SCRN1: variants seen among roughly 807,000 people sequenced by gnomAD.
SCRN1 encodes secernin-1.
Under a neutral mutation model 43.3 loss-of-function variants are expected in SCRN1, and 19 were observed. The ratio of observed to expected loss-of-function variants is 0.44; its 90% CI spans 0.31 to 0.64. SCRN1 has a LOEUF of 0.64. Ranked by LOEUF, SCRN1 falls within the 30% of genes least tolerant of loss-of-function variation. The probability of loss-of-function intolerance (pLI) is 0.09; values close to 1 mark genes in which losing one functional copy is unlikely to be tolerated. For missense variants in SCRN1, 447 were observed against 524.1 expected (o/e 0.85, Z 1.44); for synonymous variants, 183 against 188.9 (o/e 0.97, Z 0.26).
chr7:29,935,317 C>T (rs1787288997), intron 6 of SCRN1, among the ~76,000 whole-genome samples: 2 of 152,182 alleles, frequency 1.3e-5, no homozygotes, highest in Admixed American at 1.3e-4. Flanking sequence ...CATCTAAGAA[C>T]CAGTCCCTAG....
intron 6 of SCRN1, among the ~76,000 whole-genome samples, chr7:29,928,873 T>C (rs982571207): frequency 4.6e-5 from 7 of 152,224 alleles, no homozygotes; most frequent in Non-Finnish European, 7.3e-5. Context: ...TTTAAACCAA[T>C]TTTTACTATA....
In SCRN1 at chr7:29,923,330, G is replaced by A. The variant is rs933625892; in HGVS notation, c.*627C>T. On this transcript the variant is annotated 3_prime_UTR_variant, in exon 8 of 8. Transcript: ENST00000242059. ...CACATAAGCACAGCGCATGGAAAAT[G>A]GGAAGACAGCTTCTTCAGGAGCCCA... The A allele has an allele frequency of 6.6e-6, 1 of 152,374 alleles. No homozygotes were observed. The highest frequency in any genetic ancestry group is 2.4e-5 in the African/African-American group (1 of 41,464). The allele number at this position is 152,374 out of a possible 1,614,324, so 9.4% of individuals were successfully genotyped here.
At chr7:29,966,469 AAGAT>A (rs932587066) in intron 2 of SCRN1, among the ~76,000 whole-genome samples, 3 of 152,218 alleles carry the variant, frequency 2.0e-5, no homozygotes, top group Admixed American at 2.0e-4. Flanking sequence ...TTGGGAAAAA[AAGAT>A]AGAAACGTTC....
Position 29,976,277 on chromosome 7 carries a change from G to A in SCRN1, c.-1-7209C>T, listed in dbSNP as rs144119999. 2.5e-3 allele frequency among the ~76,000 whole-genome samples: 383 copies of A among 152,248 alleles called. 1 individual carries two copies. The highest frequency in any genetic ancestry group is 8.8e-3 in the African/African-American group (366 of 41,548). Reference sequence around the variant, plus strand: ...GTACTTGAAATGTGGCTAGTTCAACGAAGGAACCAAATTTTTAATTAATTT... The same window carrying A: ...GTACTTGAAATGTGGCTAGTTCAACAAAGGAACCAAATTTTTAATTAATTT... On this transcript the variant is annotated intron_variant, in intron 1 of 7. Coordinates refer to ENST00000242059, the MANE Select transcript of SCRN1 (RefSeq NM_014766.5).
In SCRN1 at chr7:29,940,737, T is replaced by C. The variant is rs776209901; in HGVS notation, c.684A>G (p.Pro228=). The change falls in exon 5 of 8, where the codon CCA becomes CCG. Residue 228 remains proline, a synonymous_variant. Transcript: ENST00000242059. ...GEFNFSEVFS[P]VEDHLDCGAG... is the part of the protein sequence containing the mutation. ...CACCGCAGTCTAGATGATCCTCAACTGGAGAAAAGACTTCGGAAAAATTGA... is the reference window on the plus strand; with the variant it reads ...CACCGCAGTCTAGATGATCCTCAACCGGAGAAAAGACTTCGGAAAAATTGA... The C allele has an allele frequency of 1.3e-5, 21 of 1,607,806 alleles. No individual in the cohort carries two copies. The East Asian group carries it at 2.5e-4, about 19-fold the overall frequency.
intron 3 of SCRN1, among the ~76,000 whole-genome samples, chr7:29,945,412 C>T (rs1787704023): frequency 6.6e-6 from 1 of 152,196 alleles, no homozygotes; most frequent in African/African-American, 2.4e-5. Flanking sequence ...CCCGCATTTG[C>T]TTCTTCCTCA....
chr7:29,953,915 G>A lies in SCRN1; in HGVS notation c.341+1264C>T, dbSNP rs2128093631. Among the ~76,000 whole-genome samples the A allele has an allele frequency of 2.0e-5, 3 of 152,282 alleles. No homozygotes were observed. In the Middle Eastern group the frequency reaches 0.01, roughly 518 times the overall value. ...CTCATATTGAAAAAATGAGGAAACT[G>A]TGGCCCAGAGAGGTGATGTAACTTG... is the stretch of plus-strand genomic sequence containing the variant. On this transcript the variant is annotated intron_variant, in intron 3 of 7. Coordinates refer to ENST00000242059, the MANE Select transcript of SCRN1 (RefSeq NM_014766.5).
intron 5 of SCRN1, among the ~76,000 whole-genome samples, chr7:29,939,163 C>T (rs919135040): frequency 6.6e-6 from 1 of 152,002 alleles, no homozygotes; most frequent in Non-Finnish European, 1.5e-5. Context: ...AGTGCTATAG[C>T]AAAAGTCCTA....
intron 6 of SCRN1, among the ~76,000 whole-genome samples, chr7:29,928,115 T>C (rs1356618918): frequency 6.6e-6 from 1 of 152,070 alleles, no homozygotes; most frequent in Non-Finnish European, 1.5e-5. Flanking sequence ...TGAGCGAGAC[T>C]TTGTCTCAAA....
chr7:29,946,870 T>C (rs543731004), intron 3 of SCRN1, among the ~76,000 whole-genome samples: 86 of 152,296 alleles, frequency 5.6e-4, no homozygotes, highest in Middle Eastern at 6.8e-3. Context: ...AACTGAGAAA[T>C]GCAGATGAAT....
At position 29,965,053 on chromosome 7, in the gene SCRN1, G is replaced by A. The variant is rs111942226; in HGVS notation, c.159+3856C>T. Among the ~76,000 whole-genome samples the A allele has an allele frequency of 1.3e-3, 201 of 152,132 alleles. 1 individual carries two copies. The highest frequency in any genetic ancestry group is 4.6e-3 in the African/African-American group (189 of 41,488). ...ACTAGCAGGGTAAACTAGAGGGCAG[G>A]GTAAGGGGCTGTTTGGGAACTCTCT... On this transcript the variant is annotated intron_variant, in intron 2 of 7. Transcript: ENST00000242059. The surrounding 1 kb of genome is among the most constrained non-coding windows in gnomAD (Gnocchi z 4.2).
chr7:29,927,994 G>C (rs964156396), intron 6 of SCRN1, among the ~76,000 whole-genome samples: 3 of 152,106 alleles, frequency 2.0e-5, no homozygotes, highest in African/African-American at 7.2e-5. Flanking sequence ...GTGGTGGAGT[G>C]CTCCTGTAAT....
intron 2 of SCRN1, among the ~76,000 whole-genome samples, chr7:29,966,285 G>A (rs548386078): frequency 1.3e-5 from 2 of 151,130 alleles, no homozygotes; most frequent in East Asian, 2.0e-4. Context: ...GCAATCACAA[G>A]CCCTCAAAGA....
intron 2 of SCRN1, among the ~76,000 whole-genome samples, chr7:29,967,211 G>A (rs1788525356): frequency 6.7e-6 from 1 of 150,290 alleles, no homozygotes; most frequent in Non-Finnish European, 1.5e-5. Flanking sequence ...ACACACACAG[G>A]TAAATACACT....
chr7:29,958,960 G>C (rs558673186), intron 2 of SCRN1, among the ~76,000 whole-genome samples: 1 of 152,316 alleles, frequency 6.6e-6, no homozygotes, highest in African/African-American at 2.4e-5. Context: ...TTGGAGGATA[G>C]AAAACATGAG....
intron 4 of SCRN1, among the ~76,000 whole-genome samples, chr7:29,941,673 T>A (rs1418563172): frequency 1.3e-5 from 2 of 152,210 alleles, no homozygotes; most frequent in African/African-American, 4.8e-5. Context: ...TAGAAATGCC[T>A]GCATTCTGAG....
chr7:29,936,854 G>T (rs1363163391), intron 5 of SCRN1, 133 bp from the exon 6 acceptor site: 7 of 556,040 alleles, frequency 1.3e-5, no homozygotes, highest in Non-Finnish European at 2.0e-5. Flanking sequence ...CGACCATCCT[G>T]CATAACACGG....
upstream of SCRN1, chr7:29,990,018 CTT>C: frequency 6.9e-7 from 1 of 1,457,502 alleles, no homozygotes. Context: ...GTGGCCCCCT[CTT>C]TGCTAGATTT....
intron 5 of SCRN1, among the ~76,000 whole-genome samples, chr7:29,940,306 G>C (rs772872438): frequency 6.6e-6 from 1 of 152,186 alleles, no homozygotes; most frequent in Admixed American, 6.5e-5. Context: ...CCTAAGATGA[G>C]TAAGAGACAA....
Sources: gnomAD v4.1 joint callset for allele counts (sites outside exome capture counted in the v4.1 genomes callset) on GRCh38, gnomAD v4.1.1 for gene constraint, Gnocchi (gnomAD v3.1) non-coding constraint, MANE v1.5 for transcripts, NCBI Gene and HGNC (gene_info 2026-07-23, HGNC 2026-07-21) for gene names.